Variants in WWOX observed in about 807,000 individuals in gnomAD.
WWOX encodes WW domain-containing oxidoreductase.
A neutral mutation model predicts 46.2 loss-of-function variants in WWOX; 69 were observed. That is an observed-to-expected ratio of 1.49 (90% CI 1.23 to 1.82). The LOEUF (loss-of-function observed/expected upper bound fraction) is 1.82, where lower values mean the gene tolerates loss of function less well. Among genes scored for constraint, WWOX ranks in the 40% most tolerant of loss-of-function variants. The pLI, the probability that WWOX is intolerant of heterozygous loss-of-function variation, is 0.00. For synonymous variants in WWOX, 359 were observed against 202.6 expected (o/e 1.77, Z -6.56); for missense variants, 919 against 542.6 (o/e 1.69, Z -6.89).
At chr16:78,804,294 A>G (rs903897761) in intron 8 of WWOX, among the ~76,000 whole-genome samples, 5 of 152,030 alleles carry the variant, frequency 3.3e-5, no homozygotes, top group African/African-American at 9.7e-5. Flanking sequence ...TTTGCCCTCA[A>G]TTTCATTGAG....
rs138479861 is a variant in WWOX, at chr16:78,173,290, C to G, written c.516+9001C>G. Among the ~76,000 whole-genome samples the G allele has an allele frequency of 7.2e-4, 110 of 151,986 alleles. No homozygotes were observed. In the East Asian group the frequency reaches 0.014, roughly 19 times the overall value. On this transcript the variant is annotated intron_variant, in intron 5 of 8. Transcript: ENST00000566780. ...CCTGGGCAAATCTGGTCATCTCTCT[C>G]TCTCTTTTCTTTTTTTGAGATAGGG...
intron 8 of WWOX, among the ~76,000 whole-genome samples, chr16:78,886,257 C>T (rs190897014): frequency 6.6e-6 from 1 of 150,558 alleles, no homozygotes; most frequent in Non-Finnish European, 1.5e-5. Context: ...TACCCATACC[C>T]ATTGTACACA....
chr16:78,683,958 C>A (rs1435242350), intron 8 of WWOX, among the ~76,000 whole-genome samples: 1 of 152,182 alleles, frequency 6.6e-6, no homozygotes, highest in Non-Finnish European at 1.5e-5. Flanking sequence ...TTTTGGGTAA[C>A]TGTCTCTTGC....
chr16:78,104,796 A>C (rs190135097), intron 1 of WWOX, among the ~76,000 whole-genome samples: 2 of 152,250 alleles, frequency 1.3e-5, no homozygotes, highest in African/African-American at 4.8e-5. Flanking sequence ...AAAGTCTTCT[A>C]TTGAAAGGTA....
At chr16:79,177,652 A>T (rs986927294) in intron 8 of WWOX, among the ~76,000 whole-genome samples, 4 of 152,218 alleles carry the variant, frequency 2.6e-5, no homozygotes, top group East Asian at 3.9e-4. Context: ...AGGTTTCTCA[A>T]TGTGTGTTCA....
chr16:78,863,532 T>C lies in WWOX; in HGVS notation c.1057-348076T>C, dbSNP rs188075430. ...GATTTAGTGTCACAGCTCAAAACCATCAGTAGTCCTCGTGATCTTTCGGCA... is the reference window on the plus strand; with the variant it reads ...GATTTAGTGTCACAGCTCAAAACCACCAGTAGTCCTCGTGATCTTTCGGCA... On this transcript the variant is annotated intron_variant, in intron 8 of 8. Transcript: ENST00000566780. Among the ~76,000 whole-genome samples the C allele has an allele frequency of 3.9e-4, 59 of 152,236 alleles. No individual in the cohort carries two copies. The East Asian group carries it at 0.011, about 27-fold the overall frequency.
intron 8 of WWOX, among the ~76,000 whole-genome samples, chr16:79,074,708 C>G (rs115117638): frequency 0.015 from 2,331 of 151,930 alleles, 50 homozygotes; most frequent in African/African-American, 0.053. Flanking sequence ...GTTATTTATC[C>G]TCTTCTTCCC....
At chr16:78,853,118 C>CATAACAATATGTTGTACTATACGTT (rs1326120996) in intron 8 of WWOX, among the ~76,000 whole-genome samples, 5 of 152,160 alleles carry the variant, frequency 3.3e-5, no homozygotes, top group African/African-American at 1.2e-4. Flanking sequence ...TAATTTGTTG[C>CATAACAATATGTTGTACTATACGTT]ATAACAATAT....
chr16:78,100,231 TG>T (rs2031672896), intron 1 of WWOX: 6 of 1,146,458 alleles, frequency 5.2e-6, no homozygotes, highest in Non-Finnish European at 5.4e-6. Flanking sequence ...GGCTCTGGGT[TG>T]CAGGGATAGG....
intron 5 of WWOX, among the ~76,000 whole-genome samples, chr16:78,304,511 AAT>A (rs1756876914): frequency 6.6e-6 from 1 of 152,216 alleles, no homozygotes; most frequent in African/African-American, 2.4e-5. Flanking sequence ...GTCTTAGTAA[AAT>A]GTCTGCAGGG....
At chr16:79,168,239 A>G (rs930760530) in intron 8 of WWOX, among the ~76,000 whole-genome samples, 1 of 152,158 alleles carries the variant, frequency 6.6e-6, no homozygotes, top group Non-Finnish European at 1.5e-5. Flanking sequence ...TCTTGGGTAT[A>G]TACTTAGGGG....
chr16:79,084,665 G>T lies in WWOX; in HGVS notation c.1057-126943G>T, dbSNP rs895500797. The stretch of plus-strand genomic sequence containing the variant: ...CCTGGCCTCGTGATGCACCCGCATC[G>T]GCCTCCCAAAGTGCTGGGATTACAG... On this transcript the variant is annotated intron_variant, in intron 8 of 8. Coordinates refer to ENST00000566780, the MANE Select transcript of WWOX (RefSeq NM_016373.4). Among the ~76,000 whole-genome samples the T allele has an allele frequency of 3.9e-5, 6 of 152,090 alleles. No individual in the cohort carries two copies. In the East Asian group the frequency reaches 5.8e-4, roughly 15 times the overall value.
chr16:78,772,751 G>A (rs1034301117), intron 8 of WWOX, among the ~76,000 whole-genome samples: 4 of 152,172 alleles, frequency 2.6e-5, no homozygotes, highest in African/African-American at 9.7e-5. Context: ...AGGCGCGGTG[G>A]CTCACACCTG....
intron 4 of WWOX, among the ~76,000 whole-genome samples, chr16:78,140,491 A>G (rs1425759563): frequency 1.3e-5 from 2 of 151,722 alleles, no homozygotes; most frequent in African/African-American, 4.8e-5. Flanking sequence ...GTAGGGCCAT[A>G]CTCCCTTTAA....
chr16:78,891,427 A>G (rs1567630067), intron 8 of WWOX: 1 of 152,220 alleles, frequency 6.6e-6, no homozygotes, highest in African/African-American at 2.4e-5. Context: ...TGATCTCACT[A>G]AAAGTAATTA....
intron 8 of WWOX, among the ~76,000 whole-genome samples, chr16:78,434,579 G>C (rs1008208766): frequency 6.6e-6 from 1 of 152,166 alleles, no homozygotes; most frequent in Non-Finnish European, 1.5e-5. Context: ...GCTTTAACAA[G>C]CCCAGTCAAC....
intron 8 of WWOX, among the ~76,000 whole-genome samples, chr16:78,859,050 GTATA>G (rs1163926433): frequency 4.9e-5 from 2 of 40,840 alleles, no homozygotes; most frequent in Non-Finnish European, 8.2e-5. Context: ...ATATATATAT[GTATA>G]TATATATATA....
At chr16:79,132,973 C>G (rs1329588445) in intron 8 of WWOX, among the ~76,000 whole-genome samples, 1 of 152,198 alleles carries the variant, frequency 6.6e-6, no homozygotes, top group Non-Finnish European at 1.5e-5. Context: ...TGGGTCTGTT[C>G]TGTCACTTGG....
chr16:78,912,079 C>G (rs1389584007), intron 8 of WWOX, among the ~76,000 whole-genome samples: 1 of 151,792 alleles, frequency 6.6e-6, no homozygotes, highest in Non-Finnish European at 1.5e-5. Context: ...CTTCATGAGT[C>G]TTGTTTCTTT....
Sources: gnomAD v4.1 joint callset for allele counts (sites outside exome capture counted in the v4.1 genomes callset) on GRCh38, gnomAD v4.1.1 for gene constraint, MANE v1.5 for transcripts, NCBI Gene and HGNC (gene_info 2026-07-23, HGNC 2026-07-21) for gene names.